RYR2: variants seen among roughly 807,000 people sequenced by gnomAD.
RYR2 encodes ryanodine receptor 2.
In RYR2, 227 loss-of-function variants were observed where a neutral mutation model predicts 601.1. That is an observed-to-expected ratio of 0.38 (90% CI 0.34 to 0.42). The LOEUF is 0.42. RYR2 is among the 10% of genes least tolerant of loss of function. The probability of loss-of-function intolerance (pLI) is 1.00; values close to 1 mark genes in which losing one functional copy is unlikely to be tolerated. For synonymous variants in RYR2, 2,223 were observed against 2,175.1 expected (o/e 1.02, Z -0.61); for missense variants, 4,646 against 6,156.5 (o/e 0.75, Z 8.21).
intron 2 of RYR2, among the ~76,000 whole-genome samples, chr1:237,323,560 G>T (rs1404784656): frequency 6.6e-6 from 1 of 152,134 alleles, no homozygotes; most frequent in Non-Finnish European, 1.5e-5. Context: ...AGATGAATTG[G>T]CCTATCTACT....
At chr1:237,645,726 T>C (rs1682055034) in intron 48 of RYR2, among the ~76,000 whole-genome samples, 1 of 152,156 alleles carries the variant, frequency 6.6e-6, no homozygotes, top group South Asian at 2.1e-4. Context: ...TGCTCTAATA[T>C]GTTATTTTTC....
intron 3 of RYR2, among the ~76,000 whole-genome samples, chr1:237,339,191 G>T (rs1242080709): frequency 6.6e-6 from 1 of 152,102 alleles, no homozygotes; most frequent in African/African-American, 2.4e-5. Context: ...TATAGCCAAA[G>T]AATGAACAGG....
At chr1:237,760,361 T>TAAAAAAAA (rs34435442) in intron 83 of RYR2, among the ~76,000 whole-genome samples, 2 of 100,116 alleles carry the variant, frequency 2.0e-5, no homozygotes, top group Non-Finnish European at 3.8e-5. Context: ...GTCGCTAATT[T>TAAAAAAAA]AAAAAAAAAA....
At chr1:237,229,863 T>G (rs922758945) in intron 1 of RYR2, among the ~76,000 whole-genome samples, 3 of 152,208 alleles carry the variant, frequency 2.0e-5, no homozygotes, top group Admixed American at 1.3e-4. Flanking sequence ...CCACCAACCC[T>G]GCGTCCACTC....
intron 27 of RYR2, among the ~76,000 whole-genome samples, chr1:237,554,784 T>C (rs896726220): frequency 3.9e-5 from 6 of 152,046 alleles, no homozygotes; most frequent in Non-Finnish European, 8.8e-5. Flanking sequence ...ACTAATGTGC[T>C]CTTATTATTC....
intron 10 of RYR2, among the ~76,000 whole-genome samples, chr1:237,415,068 T>G (rs1331467316): frequency 6.6e-6 from 1 of 152,116 alleles, no homozygotes; most frequent in Non-Finnish European, 1.5e-5. Flanking sequence ...AGGGCAGGGT[T>G]GTAAACATCC....
intron 10 of RYR2, among the ~76,000 whole-genome samples, chr1:237,406,168 CCCTT>C (rs1259201367): frequency 2.1e-5 from 1 of 48,230 alleles, no homozygotes; most frequent in African/African-American, 1.0e-4. Context: ...CCCTTCCCTT[CCCTT>C]CCCTCCCCTC....
At chr1:237,674,877 C>A in intron 60 of RYR2, 31 bp downstream of exon 60, 1 of 1,225,360 alleles carries the variant, frequency 8.2e-7, no homozygotes, top group Non-Finnish European at 1.2e-6. Context: ...GCTAATAGCC[C>A]AGTGTTTGTT....
At chr1:237,159,838 A>G (rs1351594410) in intron 1 of RYR2, among the ~76,000 whole-genome samples, 2 of 152,248 alleles carry the variant, frequency 1.3e-5, no homozygotes, top group African/African-American at 2.4e-5. Context: ...TAAGGCCTAT[A>G]TTAATCACCA....
At position 237,446,052 on chromosome 1, in the gene RYR2, T is replaced by G. The variant is rs555202340; in HGVS notation, c.1292+530T>G. On this transcript the variant is annotated intron_variant, in intron 14 of 104. Coordinates refer to ENST00000366574, the MANE Select transcript of RYR2 (RefSeq NM_001035.3). Reference sequence around the variant, plus strand: ...GGATGAACTCGATCTCTTGACCTCATGATCCGCTCTCCTTGGCCTCCCAAA... The same window carrying G: ...GGATGAACTCGATCTCTTGACCTCAGGATCCGCTCTCCTTGGCCTCCCAAA... Among the ~76,000 whole-genome samples, 62 of 152,272 alleles carry G rather than the reference T, an allele frequency of 4.1e-4. 2 individuals carry two copies. The Middle Eastern group carries it at 0.014, about 33-fold the overall frequency.
intron 1 of RYR2, among the ~76,000 whole-genome samples, chr1:237,044,536 A>G (rs1463442386): frequency 6.6e-6 from 1 of 152,184 alleles, no homozygotes; most frequent in African/African-American, 2.4e-5. Context: ...GGTCCTGGGT[A>G]GAGATCTGGC....
At chr1:237,301,207 A>G (rs1454728494) in intron 2 of RYR2, among the ~76,000 whole-genome samples, 1 of 152,170 alleles carries the variant, frequency 6.6e-6, no homozygotes, top group African/African-American at 2.4e-5. Flanking sequence ...TAGAGACTGA[A>G]AAAAAACTCT....
At chr1:237,211,255 A>G (rs1682541959) in intron 1 of RYR2, among the ~76,000 whole-genome samples, 1 of 152,226 alleles carries the variant, frequency 6.6e-6, no homozygotes, top group African/African-American at 2.4e-5. Context: ...GCACTGACTC[A>G]GGAAGCTTGT....
Position 237,160,248 on chromosome 1 carries a change from A to G in RYR2, c.49-110249A>G, listed in dbSNP as rs567251698. 7.2e-5 allele frequency among the ~76,000 whole-genome samples: 11 copies of G among 152,354 alleles called. No homozygotes were observed. The East Asian group carries it at 1.9e-3, about 27-fold the overall frequency. On this transcript the variant is annotated intron_variant, in intron 1 of 104. Transcript: ENST00000366574. ...TATTTCGTTAGGATCTGCAGGATAC[A>G]CATGAATGATCTCATTTGGAAACAA...
intron 99 of RYR2, 98 bp from the exon 100 acceptor site, chr1:237,808,803 T>G: frequency 9.0e-7 from 1 of 1,116,072 alleles, no homozygotes; most frequent in Non-Finnish European, 1.4e-6. Flanking sequence ...TAAACACGGC[T>G]GTGTTCTCAC....
In RYR2 at chr1:237,252,595, G is replaced by T. The variant is rs530572961; in HGVS notation, c.49-17902G>T. 4.6e-5 allele frequency among the ~76,000 whole-genome samples: 7 copies of T among 152,294 alleles called. No individual in the cohort carries two copies. In the South Asian group the frequency reaches 1.4e-3, roughly 32 times the overall value. On this transcript the variant is annotated intron_variant, in intron 1 of 104. Transcript: ENST00000366574. The stretch of plus-strand genomic sequence containing the variant: ...TCATTCACAGTCTTATGTGTTGAAT[G>T]AATGAATTTAATTTTTACAAAAATA...
chr1:237,169,819 A>G (rs1677153251), intron 1 of RYR2, among the ~76,000 whole-genome samples: 2 of 152,086 alleles, frequency 1.3e-5, no homozygotes, highest in Admixed American at 1.3e-4. Context: ...TAGGCATGAT[A>G]ACCTGTTTAC....
intron 63 of RYR2, among the ~76,000 whole-genome samples, chr1:237,696,506 A>G (rs920497834): frequency 6.7e-6 from 1 of 149,134 alleles, no homozygotes; most frequent in Non-Finnish European, 1.5e-5. Flanking sequence ...CCAAGTGTAT[A>G]GCTCTGGCTT....
intron 12 of RYR2, among the ~76,000 whole-genome samples, chr1:237,437,831 A>T (rs976308970): frequency 6.6e-6 from 1 of 152,242 alleles, no homozygotes; most frequent in Non-Finnish European, 1.5e-5. Flanking sequence ...AGGATAGAAG[A>T]CTATAAAAGT....
Sources: allele counts gnomAD v4.1 joint callset (sites outside exome capture counted in the v4.1 genomes callset), GRCh38; gene constraint gnomAD v4.1.1; transcripts MANE v1.5; gene names NCBI Gene and HGNC (gene_info 2026-07-23, HGNC 2026-07-21).